Variants in RPTOR observed in about 807,000 individuals in gnomAD.
The protein encoded by RPTOR is regulatory-associated protein of mTOR.
Under a neutral mutation model 169.9 loss-of-function variants are expected in RPTOR, and 21 were observed. The observed-to-expected ratio is 0.12, with a 90% CI of 0.09 to 0.18. The LOEUF (loss-of-function observed/expected upper bound fraction) is 0.18, where lower values mean the gene tolerates loss of function less well. Ranked by LOEUF, RPTOR falls within the 10% of genes least tolerant of loss-of-function variation. The pLI, the probability that RPTOR is intolerant of heterozygous loss-of-function variation, is 1.00. For missense variants in RPTOR, 1,133 were observed against 1,855.9 expected (o/e 0.61, Z 7.16); for synonymous variants, 732 against 753.2 (o/e 0.97, Z 0.46).
intron 9 of RPTOR, among the ~76,000 whole-genome samples, chr17:80,835,541 T>C (rs2067554088): frequency 6.6e-6 from 1 of 152,204 alleles, no homozygotes; most frequent in Non-Finnish European, 1.5e-5. Flanking sequence ...CGACGAAGGT[T>C]GAGTGTCCCT....
At chr17:80,781,258 A>C in intron 6 of RPTOR, among the ~76,000 whole-genome samples, 1 of 152,124 alleles carries the variant, frequency 6.6e-6, no homozygotes, top group Non-Finnish European at 1.5e-5. Flanking sequence ...GTTTTAATTA[A>C]TTTTTTTAAC....
chr17:80,876,653 G>C, intron 13 of RPTOR, among the ~76,000 whole-genome samples: 1 of 126,676 alleles, frequency 7.9e-6, no homozygotes, highest in Non-Finnish European at 1.6e-5. Context: ...CCGAGCCCGT[G>C]CCACGCAGGG....
At chr17:80,822,013 G>A (rs774746602) in intron 7 of RPTOR, among the ~76,000 whole-genome samples, 188 bp from the exon 8 acceptor site, 2 of 152,234 alleles carry the variant, frequency 1.3e-5, no homozygotes, top group Non-Finnish European at 2.9e-5. Flanking sequence ...TGCAGATGGA[G>A]GTTGAGCTCT....
At chr17:80,578,609 GGAACT>G (rs758508935) in intron 1 of RPTOR, among the ~76,000 whole-genome samples, 3 of 152,212 alleles carry the variant, frequency 2.0e-5, no homozygotes, top group Non-Finnish European at 2.9e-5. Flanking sequence ...ATTTAGGTGG[GGAACT>G]GGTTTTACAG....
chr17:80,658,122 C>T (rs1297924952), intron 3 of RPTOR, among the ~76,000 whole-genome samples: 1 of 152,194 alleles, frequency 6.6e-6, no homozygotes, highest in East Asian at 1.9e-4. Flanking sequence ...GTGTCAACAT[C>T]ATGGGGTTGG....
At chr17:80,900,071 C>T (rs921997703) in intron 20 of RPTOR, among the ~76,000 whole-genome samples, 15 of 152,150 alleles carry the variant, frequency 9.9e-5, no homozygotes, top group African/African-American at 3.4e-4. Context: ...CTGGGCATCT[C>T]CCACCCCTCC....
At position 80,910,323 on chromosome 17, in the gene RPTOR, A is replaced by G. The variant is rs546203228; in HGVS notation, c.2520+1394A>G. Among the ~76,000 whole-genome samples, 4 of 152,314 alleles carry G rather than the reference A, an allele frequency of 2.6e-5. No individual in the cohort carries two copies. In the East Asian group the frequency reaches 7.7e-4, roughly 29 times the overall value. On this transcript the variant is annotated intron_variant, in intron 21 of 33. Coordinates refer to ENST00000306801, the MANE Select transcript of RPTOR (RefSeq NM_020761.3). ...CGTGACACCCAGCACCCAGTGTCCA[A>G]AAACAATTGTTTACGGTATTTGTCC...
chr17:80,612,658 A>G (rs1460950569), intron 1 of RPTOR, among the ~76,000 whole-genome samples: 1 of 152,196 alleles, frequency 6.6e-6, no homozygotes, highest in Admixed American at 6.5e-5. Flanking sequence ...TGATTTGGAA[A>G]TCATTTGTCA....
chr17:80,958,072 G>GT (rs56820334), intron 29 of RPTOR, among the ~76,000 whole-genome samples: 2,474 of 147,558 alleles, frequency 0.017, 70 homozygotes, highest in African/African-American at 0.057. Context: ...ATTTGGAGGC[G>GT]TTTTTTTTTT....
intron 2 of RPTOR, among the ~76,000 whole-genome samples, chr17:80,630,646 A>G (rs985400954): frequency 5.9e-5 from 9 of 152,356 alleles, no homozygotes; most frequent in Middle Eastern, 3.4e-3. Flanking sequence ...TGTATAGAGT[A>G]CTTTCACTGT....
At chr17:80,945,130 C>T (rs1456463178) in intron 25 of RPTOR, among the ~76,000 whole-genome samples, 1 of 150,828 alleles carries the variant, frequency 6.6e-6, no homozygotes, top group Admixed American at 6.6e-5. Flanking sequence ...CCTGTCTCAA[C>T]AAAAAACAAA....
At chr17:80,759,388 T>G (rs1044146986) in intron 6 of RPTOR, among the ~76,000 whole-genome samples, 2 of 152,052 alleles carry the variant, frequency 1.3e-5, no homozygotes, top group African/African-American at 4.8e-5. Context: ...TAGTAGGAAG[T>G]GCAGTGAAAA....
At chr17:80,937,984 T>G (rs2068975236) in intron 24 of RPTOR, among the ~76,000 whole-genome samples, 2 of 152,144 alleles carry the variant, frequency 1.3e-5, no homozygotes, top group African/African-American at 2.4e-5. Context: ...GTTCAGAAAG[T>G]CTCTTCCCAG....
intron 1 of RPTOR, among the ~76,000 whole-genome samples, chr17:80,614,507 G>A (rs1462222200): frequency 1.3e-5 from 2 of 152,254 alleles, no homozygotes; most frequent in Non-Finnish European, 2.9e-5. Flanking sequence ...GTCTGTAGGT[G>A]AGGTTTTCCT....
At position 80,965,657 on chromosome 17, in the gene RPTOR, T is replaced by A; in HGVS notation, c.*1327T>A. On this transcript the variant is annotated 3_prime_UTR_variant, in exon 34 of 34. Transcript: ENST00000306801. ...CTGGTGTGGCGAGGCCCGGCTCTCC[T>A]GCGGTGTGGCTGGTGGCCTGCCGTG... The A allele has an allele frequency of 4.3e-6, 1 of 233,288 alleles. No homozygotes were observed. 14.5% of individuals were successfully genotyped at this position (233,288 alleles called of 1,614,324 possible).
intron 10 of RPTOR, among the ~76,000 whole-genome samples, chr17:80,841,928 A>T (rs866425382): frequency 0.06 from 3,864 of 64,494 alleles, 382 homozygotes; most frequent in African/African-American, 0.077. Context: ...GGCAGCTCAC[A>T]CTCACCGCAC....
intron 1 of RPTOR, among the ~76,000 whole-genome samples, chr17:80,585,637 T>C (rs1032478117): frequency 3.9e-5 from 6 of 152,246 alleles, no homozygotes; most frequent in Non-Finnish European, 5.9e-5. Context: ...TGCACGCTGC[T>C]ACGTCGCTCA....
rs1344654341 is a variant in RPTOR at position 80,773,727 on chromosome 17, G to C, written c.831-17723G>C. On this transcript the variant is annotated intron_variant, in intron 6 of 33. Transcript: ENST00000306801. Reference sequence around the variant, plus strand: ...CTGGCACCAGGCCCTCCTCCAGGCAGGCGCTTGGGCAGGCTGGTGGGACTG... The same window carrying C: ...CTGGCACCAGGCCCTCCTCCAGGCACGCGCTTGGGCAGGCTGGTGGGACTG... 14 of 950,702 alleles carry C rather than the reference G, an allele frequency of 1.5e-5. No individual in the cohort carries two copies. The Admixed American group carries it at 8.6e-4, about 59-fold the overall frequency. The allele number at this position is 950,702 out of a possible 1,614,324, so 58.9% of individuals were successfully genotyped here. A position where few individuals can be genotyped will look rare whatever the true frequency, so the allele number is the denominator to read the frequency against.
At position 80,754,382 on chromosome 17, in the gene RPTOR, C is replaced by T. The variant is rs2066659482; in HGVS notation, c.830+197C>T. 6.6e-6 allele frequency among the ~76,000 whole-genome samples: 1 copy of T among 152,194 alleles called. No individual in the cohort carries two copies. Among genetic ancestry groups the T allele is most frequent in the Admixed American group, 6.5e-5 (1 of 15,284 alleles). ...TACTCTTTGAGAGCTCAAGATCCTTCTTCCTTCTGATCTGTTCGTGGGCAG... is the reference window on the plus strand; with the variant it reads ...TACTCTTTGAGAGCTCAAGATCCTTTTTCCTTCTGATCTGTTCGTGGGCAG... On this transcript the variant is annotated intron_variant, in intron 6 of 33. Coordinates refer to ENST00000306801, the MANE Select transcript of RPTOR (RefSeq NM_020761.3). This position sits in a 1 kb window ranked among gnomAD's most constrained non-coding sequence, Gnocchi z 4.2.
Sources: gnomAD v4.1 joint callset for allele counts (sites outside exome capture counted in the v4.1 genomes callset) on GRCh38, gnomAD v4.1.1 for gene constraint, Gnocchi (gnomAD v3.1) non-coding constraint, MANE v1.5 for transcripts, NCBI Gene and HGNC (gene_info 2026-07-23, HGNC 2026-07-21) for gene names.